ZNF383: variants seen among roughly 807,000 people sequenced by gnomAD.
The protein encoded by ZNF383 is zinc finger protein 383.
ZNF383 carries 32 observed loss-of-function variants against 44.2 expected under a neutral mutation model. The ratio of observed to expected loss-of-function variants is 0.72; its 90% confidence interval spans 0.55 to 0.97. ZNF383 has a LOEUF of 0.97. ZNF383 is among the 50% of genes least tolerant of loss of function. The pLI, the probability that ZNF383 is intolerant of heterozygous loss-of-function variation, is 0.00. For missense variants in ZNF383, 487 were observed against 562.5 expected (o/e 0.87, Z 1.36); for synonymous variants, 155 against 186.2 (o/e 0.83, Z 1.36).
rs1464578411 is a variant in ZNF383, at chr19:37,247,140, A to T, written c.*3476A>T. The T allele has an allele frequency of 2.6e-5, 4 of 152,202 alleles. No individual in the cohort carries two copies. The highest frequency in any genetic ancestry group is 4.4e-5 in the Non-Finnish European group (3 of 68,034). 9.4% of individuals were successfully genotyped at this position (152,202 alleles called of 1,614,324 possible). A position where few individuals can be genotyped will look rare whatever the true frequency, so the allele number is the denominator to read the frequency against. ...GTTTTATAACCTAATATTTGTGCATATATTGTAATACTAGGAAGAAAAAAT... is the reference window on the plus strand; with the variant it reads ...GTTTTATAACCTAATATTTGTGCATTTATTGTAATACTAGGAAGAAAAAAT... On this transcript the variant is annotated 3_prime_UTR_variant, in exon 6 of 6. Coordinates refer to ENST00000684119, the MANE Select transcript of ZNF383 (RefSeq NM_001387601.1).
At chr19:37,241,278 C>T (rs1001530673) in intron 5 of ZNF383, among the ~76,000 whole-genome samples, 26 of 152,264 alleles carry the variant, frequency 1.7e-4, no homozygotes, top group Admixed American at 4.6e-4. Flanking sequence ...GGGAGTCCCC[C>T]GGCTACCTGC....
chr19:37,224,597 G>T (rs187795824), intron 1 of ZNF383, among the ~76,000 whole-genome samples: 280 of 151,996 alleles, frequency 1.8e-3, no homozygotes, highest in Non-Finnish European at 3.0e-3. Context: ...CTGTCACCCA[G>T]GCTGGAGTGC....
intron 2 of ZNF383, among the ~76,000 whole-genome samples, chr19:37,229,296 G>A (rs955463615): frequency 6.8e-6 from 1 of 147,094 alleles, no homozygotes; most frequent in East Asian, 2.0e-4. Flanking sequence ...CTAAGATTAC[G>A]GGCATGTGTC....
At chr19:37,228,697 G>T (rs1236425941) in intron 2 of ZNF383, among the ~76,000 whole-genome samples, 2 of 151,886 alleles carry the variant, frequency 1.3e-5, no homozygotes, top group Non-Finnish European at 2.9e-5. Context: ...GGTCCTTCTG[G>T]CTTTGGTACA....
chr19:37,243,036 C>G lies in ZNF383; in HGVS notation c.800C>G (p.Ser267Ter). Residue 267 changes from serine (S) to a stop codon, truncating the protein, a stop_gained, in exon 6 of 6, where the codon TCA (serine) becomes TGA (stop). Coordinates refer to ENST00000684119, the MANE Select transcript of ZNF383 (RefSeq NM_001387601.1). LOFTEE classifies it high-confidence loss of function. The part of the protein sequence containing the change: ...KECGKAFSYC[S>*]NLIDHQRIHT... ...TGTGGGAAGGCCTTTAGTTATTGCT[C>G]AAATCTTATTGACCATCAGCGAATT... 1.2e-6 allele frequency: 2 copies of G among 1,614,088 alleles called. No individual in the cohort carries two copies. The highest frequency in any genetic ancestry group is 1.1e-5 in the South Asian group (1 of 91,076).
At chr19:37,236,176 T>C in intron 5 of ZNF383, 102 bp downstream of exon 5, 1 of 797,866 alleles carries the variant, frequency 1.3e-6, no homozygotes. Context: ...GAAGCTCCCA[T>C]CAAGAAACTA....
At chr19:37,229,294 A>G (rs1973337813) in intron 2 of ZNF383, among the ~76,000 whole-genome samples, 1 of 149,572 alleles carries the variant, frequency 6.7e-6, no homozygotes, top group South Asian at 2.1e-4. Context: ...AGCTAAGATT[A>G]CGGGCATGTG....
chr19:37,237,295 G>T (rs1334593719), intron 5 of ZNF383, among the ~76,000 whole-genome samples: 1 of 152,142 alleles, frequency 6.6e-6, no homozygotes, highest in African/African-American at 2.4e-5. Context: ...TGTAGAAGTG[G>T]AATTAATCCC....
intron 1 of ZNF383, among the ~76,000 whole-genome samples, chr19:37,221,760 C>T (rs919703226): frequency 3.4e-5 from 5 of 145,222 alleles, no homozygotes; most frequent in East Asian, 2.0e-4. Flanking sequence ...CATCTGGCTA[C>T]GGTGAAACCC....
chr19:37,236,982 CACACACACACACAG>C (rs1056209764), intron 5 of ZNF383, among the ~76,000 whole-genome samples: 1 of 149,332 alleles, frequency 6.7e-6, no homozygotes, highest in African/African-American at 2.4e-5. Flanking sequence ...CACACACACA[CACACACACACACAG>C]AGACACACAC....
chr19:37,230,335 T>C (rs1973422391), intron 2 of ZNF383, 74 bp from the exon 3 acceptor site: 1 of 1,025,162 alleles, frequency 9.8e-7, no homozygotes, highest in Non-Finnish European at 1.5e-6. Context: ...GGTGGTTTTA[T>C]CTGACCTCTA....
In ZNF383 at chr19:37,239,275, C is replaced by G. The variant is rs144774004; in HGVS notation, c.233-3194C>G. 9.2e-5 allele frequency among the ~76,000 whole-genome samples: 14 copies of G among 152,124 alleles called. No homozygotes were observed. In the East Asian group the frequency reaches 2.7e-3, roughly 29 times the overall value. ...ATTGAGATATAACATTTCTTCCTATCGTGATGTATGGGACAAACCATAGTA... is the reference window on the plus strand; with the variant it reads ...ATTGAGATATAACATTTCTTCCTATGGTGATGTATGGGACAAACCATAGTA... On this transcript the variant is annotated intron_variant, in intron 5 of 5. Transcript: ENST00000684119.
chr19:37,232,237 G>T (rs1042245340), intron 3 of ZNF383, among the ~76,000 whole-genome samples: 1 of 151,948 alleles, frequency 6.6e-6, no homozygotes, highest in Non-Finnish European at 1.5e-5. Context: ...ACCACGCCTG[G>T]CTAATTTTTT....
Position 37,243,747 on chromosome 19 carries a change from T to A in ZNF383, c.*83T>A, listed in dbSNP as rs984645851. The A allele has an allele frequency of 5.9e-5, 55 of 929,438 alleles. 1 individual carries two copies. In the East Asian group the frequency reaches 9.2e-4, roughly 16 times the overall value. 57.6% of individuals were successfully genotyped at this position (929,438 alleles called of 1,614,324 possible). ...AGTTACCCTCTTCCGTAGTTTTTTT[T>A]AAAACTTTGTATTTAAATTTTGTAT... On this transcript the variant is annotated 3_prime_UTR_variant, in exon 6 of 6. Coordinates refer to ENST00000684119, the MANE Select transcript of ZNF383 (RefSeq NM_001387601.1).
chr19:37,221,955 C>CAAA (rs71177435), intron 1 of ZNF383, among the ~76,000 whole-genome samples: 12 of 93,928 alleles, frequency 1.3e-4, no homozygotes, highest in African/African-American at 3.7e-4. Flanking sequence ...GACTCTGTCT[C>CAAA]AAAAAAAAAA....
intron 3 of ZNF383, among the ~76,000 whole-genome samples, chr19:37,234,441 T>C (rs1973666000): frequency 6.6e-6 from 1 of 152,140 alleles, no homozygotes; most frequent in Admixed American, 6.5e-5. Context: ...CAGGCTGGAG[T>C]GCAGTGGCGC....
chr19:37,235,059 G>C (rs1372223767), intron 3 of ZNF383, among the ~76,000 whole-genome samples: 1 of 152,084 alleles, frequency 6.6e-6, no homozygotes, highest in Non-Finnish European at 1.5e-5. Flanking sequence ...GATCACCTGA[G>C]GTCAGGAGTT....
chr19:37,239,186 G>A (rs1973961688), intron 5 of ZNF383, among the ~76,000 whole-genome samples: 1 of 152,068 alleles, frequency 6.6e-6, no homozygotes, highest in African/African-American at 2.4e-5. Flanking sequence ...CCAAAGTGCT[G>A]GGATTACAGG....
rs1414833783 is a variant in ZNF383, at chr19:37,235,631, A to G, written c.92A>G (p.Tyr31Cys). 6.2e-7 allele frequency: 1 copy of G among 1,613,636 alleles called. No homozygotes were observed. The highest frequency in any genetic ancestry group is 1.3e-5 in the African/African-American group (1 of 75,020). ...DCLDPVQRDLYRDVMLENYGN... is the reference protein window; with the variant it reads ...DCLDPVQRDLCRDVMLENYGN... Reference sequence around the variant, plus strand: ...CTGGACCCTGTTCAGAGGGACTTATACAGAGATGTGATGTTGGAGAACTAC... The same window carrying G: ...CTGGACCCTGTTCAGAGGGACTTATGCAGAGATGTGATGTTGGAGAACTAC... The change falls in exon 4 of 6, where the codon TAC becomes TGC. Residue 31 changes from tyrosine (Y) to cysteine (C), a missense_variant. Coordinates refer to ENST00000684119, the MANE Select transcript of ZNF383 (RefSeq NM_001387601.1).
Sources: allele counts gnomAD v4.1 joint callset (sites outside exome capture counted in the v4.1 genomes callset), GRCh38; gene constraint gnomAD v4.1.1; transcripts MANE v1.5; gene names NCBI Gene and HGNC (gene_info 2026-07-23, HGNC 2026-07-21).